Variants in ZBTB20 observed in about 807,000 individuals in gnomAD.
ZBTB20 encodes the protein zinc finger and BTB domain-containing protein 20.
A neutral mutation model predicts 56.9 loss-of-function variants in ZBTB20; 9 were observed. The ratio of observed to expected loss-of-function variants is 0.16; its 90% CI spans 0.10 to 0.28. ZBTB20 has a LOEUF of 0.28. ZBTB20 is among the 10% of genes least tolerant of loss of function. The pLI, the probability that ZBTB20 is intolerant of heterozygous loss-of-function variation, is 1.00. For synonymous variants in ZBTB20, 417 were observed against 420.7 expected (o/e 0.99, Z 0.11); for missense variants, 655 against 1,003.0 (o/e 0.65, Z 4.69).
chr3:114,646,940 GTTTTATTTTA>G (rs557474010), intron 6 of ZBTB20, among the ~76,000 whole-genome samples: 1 of 151,966 alleles, frequency 6.6e-6, no homozygotes, highest in Non-Finnish European at 1.5e-5. Context: ...AATCAAGGCA[GTTTTATTTTA>G]TTTTATTTTA....
At chr3:114,535,632 C>T (rs987486387) in intron 6 of ZBTB20, among the ~76,000 whole-genome samples, 5 of 152,194 alleles carry the variant, frequency 3.3e-5, no homozygotes, top group African/African-American at 1.2e-4. Context: ...TCCTCCCTAA[C>T]TCTTTTTATG....
rs548172470 is a variant in ZBTB20, at chr3:114,971,174, C to T, written c.-456+3192G>A. Among the ~76,000 whole-genome samples the T allele has an allele frequency of 3.9e-5, 6 of 152,220 alleles. No homozygotes were observed. The East Asian group carries it at 9.6e-4, about 24-fold the overall frequency. On this transcript the variant is annotated intron_variant, in intron 3 of 11. Transcript: ENST00000675478. ...TTTTGTTGGATGAGAGATATTCTAA[C>T]GCTGTTTATTTTTTCGGAAGATTCA...
At chr3:114,435,753 A>G (rs1270641431) in intron 7 of ZBTB20, among the ~76,000 whole-genome samples, 1 of 152,320 alleles carries the variant, frequency 6.6e-6, no homozygotes, top group East Asian at 1.9e-4. Flanking sequence ...ACAATCTTAT[A>G]AAAAGTCTAA....
chr3:114,848,154 C>T (rs1294444872), intron 4 of ZBTB20, among the ~76,000 whole-genome samples: 1 of 152,044 alleles, frequency 6.6e-6, no homozygotes, highest in Non-Finnish European at 1.5e-5. Context: ...GCTAGCTCAC[C>T]CGAGGTCCTG....
At chr3:115,072,401 C>T (rs2082442323) in intron 1 of ZBTB20, among the ~76,000 whole-genome samples, 1 of 152,104 alleles carries the variant, frequency 6.6e-6, no homozygotes, top group Non-Finnish European at 1.5e-5. Flanking sequence ...TGACGGAATA[C>T]TCATTGCATG....
intron 4 of ZBTB20, among the ~76,000 whole-genome samples, chr3:114,833,557 T>G (rs540041225): frequency 6.6e-6 from 1 of 152,084 alleles, no homozygotes; most frequent in African/African-American, 2.4e-5. Flanking sequence ...TTAGATATGG[T>G]TTCACTCTAT....
intron 7 of ZBTB20, among the ~76,000 whole-genome samples, chr3:114,484,404 G>A (rs956125489): frequency 1.8e-4 from 28 of 152,128 alleles, no homozygotes; most frequent in Non-Finnish European, 4.4e-5. Context: ...TTTGTCATTC[G>A]CTAGCTGTTA....
At chr3:114,970,589 C>T (rs2077831997) in intron 3 of ZBTB20, among the ~76,000 whole-genome samples, 1 of 152,074 alleles carries the variant, frequency 6.6e-6, no homozygotes, top group South Asian at 2.1e-4. Flanking sequence ...TAAATGATTC[C>T]TATTTTCAAA....
rs545677860 is a variant in ZBTB20, at chr3:114,594,082, T to G, written c.-294-93691A>C. Among the ~76,000 whole-genome samples, 5 of 152,250 alleles carry G rather than the reference T, an allele frequency of 3.3e-5. No individual in the cohort carries two copies. In the East Asian group the frequency reaches 5.8e-4, roughly 18 times the overall value. On this transcript the variant is annotated intron_variant, in intron 6 of 11. Coordinates refer to ENST00000675478, the MANE Select transcript of ZBTB20 (RefSeq NM_001348800.3). ...CTATGTGATTAGTAGACAAAGTATA[T>G]ACTAAAGAAAGCTGAGGAAGTTGCT...
At chr3:114,620,897 C>T (rs554358593) in intron 6 of ZBTB20, among the ~76,000 whole-genome samples, 1 of 152,264 alleles carries the variant, frequency 6.6e-6, no homozygotes, top group East Asian at 1.9e-4. Flanking sequence ...AAAAGTGTGA[C>T]TTGTCAAGGA....
chr3:114,538,650 C>A (rs2048758238), intron 6 of ZBTB20, among the ~76,000 whole-genome samples: 1 of 152,084 alleles, frequency 6.6e-6, no homozygotes, highest in African/African-American at 2.4e-5. Context: ...GTGCAAGATA[C>A]ACATGTTTGA....
In ZBTB20 at chr3:114,326,105, C is replaced by T. The variant is rs1338715521; in HGVS notation, c.*12900G>A. 6.6e-6 allele frequency: 1 copy of T among 152,106 alleles called. No homozygotes were observed. The highest frequency in any genetic ancestry group is 2.4e-5 in the African/African-American group (1 of 41,426). The allele number at this position is 152,106 out of a possible 1,614,324, so 9.4% of individuals were successfully genotyped here. On this transcript the variant is annotated 3_prime_UTR_variant, in exon 12 of 12. Coordinates refer to ENST00000675478, the MANE Select transcript of ZBTB20 (RefSeq NM_001348800.3). ...AGTCTTGAAATGGCTAGAAAAGCAACAACTACAATGATAAAAATCAACAGA... is the reference window on the plus strand; with the variant it reads ...AGTCTTGAAATGGCTAGAAAAGCAATAACTACAATGATAAAAATCAACAGA...
chr3:114,949,359 A>T (rs1560428095), intron 3 of ZBTB20, among the ~76,000 whole-genome samples: 1 of 146,766 alleles, frequency 6.8e-6, no homozygotes, highest in Non-Finnish European at 1.5e-5. Context: ...ACATTAAGGT[A>T]GGCAAAAGCT....
At chr3:114,935,778 C>G (rs897383679) in intron 3 of ZBTB20, among the ~76,000 whole-genome samples, 3 of 152,250 alleles carry the variant, frequency 2.0e-5, no homozygotes, top group East Asian at 1.9e-4. Flanking sequence ...CCTCTTACCC[C>G]CAAGGCCTCA....
intron 6 of ZBTB20, among the ~76,000 whole-genome samples, chr3:114,656,020 T>A (rs1200764224): frequency 6.6e-6 from 1 of 152,212 alleles, no homozygotes; most frequent in Non-Finnish European, 1.5e-5. Flanking sequence ...TTATAGGAAT[T>A]CCACTGACAA....
chr3:114,601,761 G>A (rs757614031), intron 6 of ZBTB20, among the ~76,000 whole-genome samples: 31 of 151,804 alleles, frequency 2.0e-4, no homozygotes, highest in Non-Finnish European at 3.7e-4. Flanking sequence ...AAATCATTTC[G>A]AGCAGAATAA....
chr3:114,919,241 T>C (rs924186180), intron 3 of ZBTB20, among the ~76,000 whole-genome samples: 3 of 152,042 alleles, frequency 2.0e-5, no homozygotes, highest in Non-Finnish European at 4.4e-5. Context: ...CAATGGAAAT[T>C]AAGTTGTTAT....
intron 6 of ZBTB20, among the ~76,000 whole-genome samples, chr3:114,690,466 G>T (rs1388796850): frequency 1.3e-5 from 2 of 152,132 alleles, no homozygotes; most frequent in Non-Finnish European, 2.9e-5. Context: ...GACAGCACAA[G>T]ACTACAGATA....
intron 2 of ZBTB20, among the ~76,000 whole-genome samples, chr3:115,038,357 T>C (rs1161920487): frequency 6.6e-6 from 1 of 152,190 alleles, no homozygotes; most frequent in African/African-American, 2.4e-5. Flanking sequence ...AATAACATCA[T>C]AGAACTCTAT....
Sources: gnomAD v4.1 joint callset for allele counts (sites outside exome capture counted in the v4.1 genomes callset) on GRCh38, gnomAD v4.1.1 for gene constraint, MANE v1.5 for transcripts, NCBI Gene and HGNC (gene_info 2026-07-23, HGNC 2026-07-21) for gene names.